KNTC1: variants seen among roughly 807,000 people sequenced by gnomAD.
KNTC1 encodes the protein kinetochore-associated protein 1.
KNTC1 carries 253 observed loss-of-function variants against 314.4 expected under a neutral mutation model. That is an observed-to-expected ratio of 0.80 (90% CI 0.73 to 0.89). The LOEUF (loss-of-function observed/expected upper bound fraction) is 0.89. Ranked by LOEUF, KNTC1 falls within the 40% of genes least tolerant of loss-of-function variation. KNTC1 has a pLI of 0.00. For synonymous variants in KNTC1, 901 were observed against 901.4 expected (o/e 1.00, Z 0.01); for missense variants, 2,475 against 2,572.9 (o/e 0.96, Z 0.82).
At chr12:122,580,877 A>T (rs1965375456) in intron 33 of KNTC1, among the ~76,000 whole-genome samples, 1 of 151,946 alleles carries the variant, frequency 6.6e-6, no homozygotes, top group African/African-American at 2.4e-5. Context: ...AAATACAAAA[A>T]ATTAGCCAGG....
At chr12:122,613,079 G>A (rs1189834437) in intron 53 of KNTC1, 33 bp from the exon 54 acceptor site, 2 of 1,179,376 alleles carry the variant, frequency 1.7e-6, no homozygotes, top group Non-Finnish European at 2.5e-6. Flanking sequence ...ATGTGCAGGT[G>A]TTCAACTCTC....
intron 12 of KNTC1, 145 bp from the exon 13 acceptor site, chr12:122,549,621 C>A: frequency 1.8e-6 from 1 of 568,358 alleles, no homozygotes; most frequent in South Asian, 1.8e-5. Flanking sequence ...CTGCCTCAGC[C>A]TCCCAAAGTG....
At chr12:122,602,529 G>A (rs1165366511) in intron 45 of KNTC1, 40 bp from the exon 46 acceptor site, 2 of 1,261,158 alleles carry the variant, frequency 1.6e-6, no homozygotes, top group Non-Finnish European at 2.3e-6. Flanking sequence ...TTTAGGATTG[G>A]GTTACTCTTA....
intron 2 of KNTC1, among the ~76,000 whole-genome samples, chr12:122,532,233 G>A (rs547112731): frequency 6.3e-4 from 78 of 123,748 alleles, no homozygotes; most frequent in African/African-American, 9.3e-4. Context: ...TTTTTGAGAC[G>A]AACTCTTGCT....
intron 13 of KNTC1, among the ~76,000 whole-genome samples, chr12:122,550,433 C>T (rs1963113716): frequency 6.6e-6 from 1 of 150,942 alleles, no homozygotes; most frequent in Non-Finnish European, 1.5e-5. Flanking sequence ...GGGCCAATTA[C>T]TTTAAAGCTA....
At chr12:122,606,909 C>T (rs1447957743) in intron 51 of KNTC1, among the ~76,000 whole-genome samples, 2 of 152,132 alleles carry the variant, frequency 1.3e-5, no homozygotes, top group African/African-American at 4.8e-5. Flanking sequence ...ATATAATTAT[C>T]AAAATCAGAA....
rs757661784 is a variant in KNTC1 at position 122,568,562 on chromosome 12, C to T, written c.1716+190C>T. The stretch of plus-strand genomic sequence containing the variant: ...AAAAAGACTTTCCCCATGGGCTGGG[C>T]GCGATGGCTCACGCCTATAATCCCA... On this transcript the variant is annotated intron_variant, in intron 21 of 63. Coordinates refer to ENST00000333479, the MANE Select transcript of KNTC1 (RefSeq NM_014708.6). 2.2e-4 allele frequency among the ~76,000 whole-genome samples: 33 copies of T among 152,144 alleles called. No individual in the cohort carries two copies. Among genetic ancestry groups the T allele is most frequent in the Non-Finnish European group, 3.4e-4 (23 of 68,014 alleles).
At chr12:122,601,781 A>C in intron 45 of KNTC1, 156 bp downstream of exon 45, 1 of 781,612 alleles carries the variant, frequency 1.3e-6, no homozygotes, top group Non-Finnish European at 1.8e-6. Flanking sequence ...CAAATCTTTA[A>C]AAAAAGAAAA....
intron 48 of KNTC1, among the ~76,000 whole-genome samples, chr12:122,603,509 T>C (rs528485940): frequency 1.4e-4 from 21 of 152,080 alleles, no homozygotes; most frequent in Admixed American, 1.2e-3. Flanking sequence ...TCTTTTTTTT[T>C]TTGAGATGGA....
At chr12:122,573,120 C>G in intron 25 of KNTC1, 22 bp from the exon 26 acceptor site, 1 of 1,613,556 alleles carries the variant, frequency 6.2e-7, no homozygotes, top group East Asian at 2.2e-5. Context: ...TGTATTTATT[C>G]CATCTTTCTT....
At chr12:122,592,135 C>A (rs1379907097) in intron 42 of KNTC1, among the ~76,000 whole-genome samples, 1 of 152,226 alleles carries the variant, frequency 6.6e-6, no homozygotes. Flanking sequence ...GCCGGCCCTG[C>A]CGGCCCCGGG....
intron 20 of KNTC1, among the ~76,000 whole-genome samples, chr12:122,563,042 G>A (rs1331770795): frequency 1.3e-5 from 2 of 151,654 alleles, no homozygotes; most frequent in African/African-American, 4.8e-5. Flanking sequence ...TAGATTATAA[G>A]TTACATAGAA....
intron 20 of KNTC1, among the ~76,000 whole-genome samples, chr12:122,564,839 C>T (rs902687292): frequency 2.0e-5 from 3 of 152,116 alleles, no homozygotes; most frequent in African/African-American, 7.2e-5. Flanking sequence ...CTTCTAATTG[C>T]TCATTTCCCT....
chr12:122,618,491 C>CT lies in KNTC1; in HGVS notation c.6098dup (p.Leu2033PhefsTer4). 1 of 1,610,748 alleles carries CT rather than the reference C, an allele frequency of 6.2e-7. No individual in the cohort carries two copies. Among genetic ancestry groups the CT allele is most frequent in the Non-Finnish European group, 8.5e-7 (1 of 1,179,082 alleles). On this transcript the variant is annotated frameshift_variant, in exon 59 of 64. Coordinates refer to ENST00000333479, the MANE Select transcript of KNTC1 (RefSeq NM_014708.6). LOFTEE classifies it high-confidence loss of function. ...TTTGTTTTGTTTTCAGCCTCTTGTCCTTTAAGTCCTGATCAGCTGTCAGAT... is the reference window on the plus strand; with the variant it reads ...TTTGTTTTGTTTTCAGCCTCTTGTCCTTTTAAGTCCTGATCAGCTGTCAGAT...
At chr12:122,621,714 C>T (rs999725743) in intron 60 of KNTC1, among the ~76,000 whole-genome samples, 167 bp from the exon 61 acceptor site, 1 of 152,114 alleles carries the variant, frequency 6.6e-6, no homozygotes, top group African/African-American at 2.4e-5. Flanking sequence ...TTGACTTTTT[C>T]CCCTCTTTTC....
chr12:122,567,863 A>T (rs980182728), intron 20 of KNTC1, among the ~76,000 whole-genome samples: 5 of 152,086 alleles, frequency 3.3e-5, no homozygotes, highest in African/African-American at 1.2e-4. Flanking sequence ...TAATATAAAC[A>T]TGCCTGTAAT....
rs1377984928 is a variant in KNTC1 at position 122,575,764 on chromosome 12, G to A, written c.2487-36G>A. 3.2e-6 allele frequency: 5 copies of A among 1,569,994 alleles called. No homozygotes were observed. The African/African-American group carries it at 6.8e-5, about 21-fold the overall frequency. ...GTGTCCCATAGTACTTCATAAAAAAGACAATCCATGTTAATATGGGTAAAT... is the reference window on the plus strand; with the variant it reads ...GTGTCCCATAGTACTTCATAAAAAAAACAATCCATGTTAATATGGGTAAAT... On this transcript the variant is annotated intron_variant, in intron 28 of 63. Coordinates refer to ENST00000333479, the MANE Select transcript of KNTC1 (RefSeq NM_014708.6).
At chr12:122,534,347 T>G (rs10734924) in intron 2 of KNTC1, among the ~76,000 whole-genome samples, 119,226 of 152,068 alleles carry the variant, frequency 0.78, 47,227 homozygotes, top group African/African-American at 0.88. Flanking sequence ...AAGACTTTAT[T>G]CCAATCTTGA....
At chr12:122,608,234 A>G (rs1444382435) in intron 51 of KNTC1, among the ~76,000 whole-genome samples, 1 of 152,138 alleles carries the variant, frequency 6.6e-6, no homozygotes, top group East Asian at 1.9e-4. Context: ...CTCAGTCTCC[A>G]GAGTAGCTGG....
Sources: allele counts gnomAD v4.1 joint callset (sites outside exome capture counted in the v4.1 genomes callset), GRCh38; gene constraint gnomAD v4.1.1; transcripts MANE v1.5; gene names NCBI Gene and HGNC (gene_info 2026-07-23, HGNC 2026-07-21).